Variants in EOMES observed in about 807,000 individuals in gnomAD.
The protein encoded by EOMES is eomesodermin, also known as eomesodermin homolog.
Under a neutral mutation model 61.0 loss-of-function variants are expected in EOMES, and 18 were observed. That is an observed-to-expected ratio of 0.30 (90% CI 0.20 to 0.44). The LOEUF is 0.44. Ranked by LOEUF, EOMES falls within the 20% of genes least tolerant of loss-of-function variation. The pLI is 1.00. For synonymous variants in EOMES, 430 were observed against 394.0 expected (o/e 1.09, Z -1.08); for missense variants, 885 against 939.2 (o/e 0.94, Z 0.75).
rs746126554 is a variant in EOMES, at chr3:27,722,214, G to C, written c.81C>G (p.Gly27=). ...AHFYPLESAR[G]GSGGSAGHLP... is the part of the protein sequence containing the mutation. ...GGTGGCCAGCGCTCCCGCCGCTGCC[G>C]CCTCGCGCACTCTCCAGCGGGTAGA... The change falls in exon 1 of 6, where the codon GGC becomes GGG. Residue 27 remains glycine, a synonymous_variant. Transcript: ENST00000449599. 7.0e-5 allele frequency: 112 copies of C among 1,604,364 alleles called. 1 individual carries two copies. In the South Asian group the frequency reaches 1.2e-3, roughly 17 times the overall value.
chr3:27,717,094 A>G lies in EOMES; in HGVS notation c.2094T>C (p.Tyr698=). 6.2e-7 allele frequency: 1 copy of G among 1,611,842 alleles called. No individual in the cohort carries two copies. Residue 698 remains tyrosine, a synonymous_variant, in exon 6 of 6, where the codon TAT becomes TAC. Coordinates refer to ENST00000449599, the MANE Select transcript of EOMES (RefSeq NM_001278182.2). The surrounding 1 kb of genome is among the most constrained non-coding windows in gnomAD (Gnocchi z 4.5). Reference sequence around the variant, plus strand: ...TTTAGGGAGTTGTGTAAAAAGCATAATACCCTCCCATGCCTTTTGAGGTGT... The same window carrying G: ...TTTAGGGAGTTGTGTAAAAAGCATAGTACCCTCCCATGCCTTTTGAGGTGT... ...SKDTSKGMGG[Y]YAFYTTP
chr3:27,717,548 G>T lies in EOMES; in HGVS notation c.1640C>A (p.Thr547Asn), dbSNP rs531465213. The change falls in exon 6 of 6, where the codon ACC becomes AAC. Residue 547 changes from threonine (T) to asparagine (N), a missense_variant. Coordinates refer to ENST00000449599, the MANE Select transcript of EOMES (RefSeq NM_001278182.2). The surrounding 1 kb of genome is among the most constrained non-coding windows in gnomAD (Gnocchi z 4.5). ...WLVTPVQQPG[T>N]NKLDISSYES... ...ATAGGAACTGATGTCTAGTTTGTTG[G>T]TCCCAGGTTGCTGGACAGGCGTGAC... 31 of 1,614,206 alleles carry T rather than the reference G, an allele frequency of 1.9e-5. No homozygotes were observed. In the South Asian group the frequency reaches 3.3e-4, roughly 17 times the overall value.
rs2060619057 is a variant in EOMES at position 27,721,954 on chromosome 3, A to C, written c.341T>G (p.Leu114Arg). The C allele has an allele frequency of 1.4e-6, 2 of 1,416,090 alleles. No homozygotes were observed. Among genetic ancestry groups the C allele is most frequent in the South Asian group, 1.6e-5 (1 of 60,976 alleles). 87.7% of individuals were successfully genotyped at this position (1,416,090 alleles called of 1,614,324 possible). A position where few individuals can be genotyped will look rare whatever the true frequency, so the allele number is the denominator to read the frequency against. ...RKGSPCGEEE[L>R]PSAAAAAAAA... ...GGCGGCGGCTGCAGCGGCGGAGGGCAGCTCCTCCTCCCCGCAGGGGGAGCC... is the reference window on the plus strand; with the variant it reads ...GGCGGCGGCTGCAGCGGCGGAGGGCCGCTCCTCCTCCCCGCAGGGGGAGCC... Residue 114 changes from leucine (L) to arginine (R), a missense_variant, in exon 1 of 6, where the codon CTG (leucine) becomes CGG (arginine). Coordinates refer to ENST00000449599, the MANE Select transcript of EOMES (RefSeq NM_001278182.2). The surrounding 1 kb of genome is among the most constrained non-coding windows in gnomAD (Gnocchi z 7.4).
At chr3:27,718,560 G>A (rs2060586527) in intron 5 of EOMES, 27 bp downstream of exon 5, 2 of 1,537,092 alleles carry the variant, frequency 1.3e-6, no homozygotes, top group Admixed American at 1.7e-5. Context: ...AGATGATCAG[G>A]CAAGTGTGGA....
rs569201214 is a variant in EOMES at position 27,722,048 on chromosome 3, T to G, written c.247A>C (p.Thr83Pro). 1 of 1,535,122 alleles carries G rather than the reference T, an allele frequency of 6.5e-7. No individual in the cohort carries two copies. Among genetic ancestry groups the G allele is most frequent in the Non-Finnish European group, 8.8e-7 (1 of 1,140,940 alleles). Residue 83 changes from threonine (T) to proline (P), a missense_variant, in exon 1 of 6, where the codon ACC becomes CCC. By Grantham distance (38) the Thr-to-Pro change is conservative. Coordinates refer to ENST00000449599, the MANE Select transcript of EOMES (RefSeq NM_001278182.2). ...CTGGCAAATGCGTCCCCGGCGTCGG[T>G]GTCACTAAGCATGGCCGCGGGGGCC... ...AGAPAAMLSD[T>P]DAGDAFASAA...
rs1307617252 is a variant in EOMES, at chr3:27,721,500, G to A, written c.795C>T (p.Phe265=). The A allele has an allele frequency of 1.9e-6, 3 of 1,613,318 alleles. No homozygotes were observed. Among genetic ancestry groups the A allele is most frequent in the East Asian group, 2.2e-5 (1 of 44,822 alleles). ...LGGLGVPGSG[F]RAHVYLCNRP... ...GGTTGCACAGGTAGACGTGGGCACG[G>A]AAGCCAGAACCTGGAACCCCCAGGC... Residue 265 remains phenylalanine (F), a synonymous_variant, in exon 1 of 6, where the codon TTC becomes TTT. Coordinates refer to ENST00000449599, the MANE Select transcript of EOMES (RefSeq NM_001278182.2). The surrounding 1 kb of genome is among the most constrained non-coding windows in gnomAD (Gnocchi z 7.4).
At position 27,718,831 on chromosome 3, in the gene EOMES, C is replaced by T. The variant is rs2060589091; in HGVS notation, c.1221G>A (p.Glu407=). The change falls in exon 4 of 6, where the codon GAG becomes GAA. Residue 407 remains glutamate, a synonymous_variant. Coordinates refer to ENST00000449599, the MANE Select transcript of EOMES (RefSeq NM_001278182.2). ...QPRLHIVEVT[E]DGVEDLNEPS... ...GCTCATTCAAGTCCTCCACGCCATCCTCTGTAACTTCAACAATATGCAGTC... is the reference window on the plus strand; with the variant it reads ...GCTCATTCAAGTCCTCCACGCCATCTTCTGTAACTTCAACAATATGCAGTC... 6.2e-7 allele frequency: 1 copy of T among 1,614,006 alleles called. No individual in the cohort carries two copies. The highest frequency in any genetic ancestry group is 8.5e-7 in the Non-Finnish European group (1 of 1,179,892).
At position 27,721,652 on chromosome 3, in the gene EOMES, C is replaced by T. The variant is rs1055221832; in HGVS notation, c.643G>A (p.Gly215Ser). 3.2e-6 allele frequency: 5 copies of T among 1,540,118 alleles called. No individual in the cohort carries two copies. The African/African-American group carries it at 5.5e-5, about 17-fold the overall frequency. ...RAQFGPGAGA[G>S]SGAGGSSGGG... is the part of the protein sequence containing the mutation. ...CCGCTGCTACCGCCCGCGCCACTGCCCGCACCGGCTCCTGGGCCGAACTGC... is the reference window on the plus strand; with the variant it reads ...CCGCTGCTACCGCCCGCGCCACTGCTCGCACCGGCTCCTGGGCCGAACTGC... Residue 215 changes from glycine to serine, a missense_variant, in exon 1 of 6, where the codon GGC becomes AGC. Gly to Ser is a moderately conservative substitution (Grantham distance 56). Coordinates refer to ENST00000449599, the MANE Select transcript of EOMES (RefSeq NM_001278182.2). The surrounding 1 kb of genome is among the most constrained non-coding windows in gnomAD (Gnocchi z 7.4).
chr3:27,718,298 T>G (rs1251609025), intron 5 of EOMES, among the ~76,000 whole-genome samples: 1 of 151,838 alleles, frequency 6.6e-6, no homozygotes. Flanking sequence ...ATGGATCAAA[T>G]GAAAAGAAAG....
chr3:27,720,022 G>T (rs1414886966), intron 2 of EOMES, 149 bp downstream of exon 2: 13 of 676,500 alleles, frequency 1.9e-5, no homozygotes. Context: ...CGTCAAACAA[G>T]CAACTCAAAG....
chr3:27,722,139 G>A lies in EOMES; in HGVS notation c.156C>T (p.Ser52=). ...AGGAGAGACTGCCGGAAAACTTCTT[G>A]GACGCTTTGTCTAAGTCCAACTTCT... ...SPQKLDLDKA[S]KKFSGSLSCE... is the part of the protein sequence containing the mutation. The change falls in exon 1 of 6, where the codon TCC becomes TCT. Residue 52 remains serine, a synonymous_variant. Coordinates refer to ENST00000449599, the MANE Select transcript of EOMES (RefSeq NM_001278182.2). 6.4e-7 allele frequency: 1 copy of A among 1,561,718 alleles called. No individual in the cohort carries two copies. The highest frequency in any genetic ancestry group is 1.2e-5 in the South Asian group (1 of 85,092).
In EOMES at chr3:27,717,293, T is replaced by C; in HGVS notation, c.1895A>G (p.Glu632Gly). 6.2e-7 allele frequency: 1 copy of C among 1,614,144 alleles called. No homozygotes were observed. The highest frequency in any genetic ancestry group is 8.5e-7 in the Non-Finnish European group (1 of 1,179,994). Reference protein sequence around the residue: ...DQLSKEKVKEEIGSSWIETPP... With the variant: ...DQLSKEKVKEGIGSSWIETPP... ...TGTCTCTATCCAAGAAGAGCCAATTTCCTCTTTCACTTTCTCCTTGGAGAG... is the reference window on the plus strand; with the variant it reads ...TGTCTCTATCCAAGAAGAGCCAATTCCCTCTTTCACTTTCTCCTTGGAGAG... Residue 632 changes from glutamate to glycine, a missense_variant, in exon 6 of 6, where the codon GAA (glutamate) becomes GGA (glycine). Glu to Gly is a moderately conservative substitution (Grantham distance 98). Around this residue, in one of 3 missense-constraint regions of EOMES, gnomAD observed 259 missense variants for 282.3 expected, o/e 0.92. Coordinates refer to ENST00000449599, the MANE Select transcript of EOMES (RefSeq NM_001278182.2). This position sits in a 1 kb window ranked among gnomAD's most constrained non-coding sequence, Gnocchi z 4.5.
rs966637432 is a variant in EOMES at position 27,721,602 on chromosome 3, A to G, written c.693T>C (p.Tyr231=). 1.3e-6 allele frequency: 2 copies of G among 1,554,816 alleles called. No individual in the cohort carries two copies. The highest frequency in any genetic ancestry group is 1.7e-6 in the Non-Finnish European group (2 of 1,152,716). The change falls in exon 1 of 6, where the codon TAT becomes TAC. Residue 231 remains tyrosine (Y), a synonymous_variant. Transcript: ENST00000449599. This position sits in a 1 kb window ranked among gnomAD's most constrained non-coding sequence, Gnocchi z 7.4. ...SSGGGGGPGT[Y]QYSQGAPLYG... ...AGAGCGGAGCCCCCTGGCTGTACTG[A>G]TAGGTGCCCGGGCCGCCGCCCCCGC...
Position 27,721,401 on chromosome 3 carries a change from A to T in EOMES, c.881+13T>A. On this transcript the variant is annotated intron_variant, in intron 1 of 5. Coordinates refer to ENST00000449599, the MANE Select transcript of EOMES (RefSeq NM_001278182.2). The surrounding 1 kb of genome is among the most constrained non-coding windows in gnomAD (Gnocchi z 7.4). ...TATCCCCGAACCCAGGGGCCCCTCC[A>T]CGCTGCGCTCACCTGCCCTGTTTCG... is the stretch of plus-strand genomic sequence containing the variant. The T allele has an allele frequency of 6.2e-7, 1 of 1,603,822 alleles. No homozygotes were observed.
At chr3:27,722,560 T>C, upstream of EOMES, 1 of 1,275,652 alleles carries the variant, frequency 7.8e-7, no homozygotes, top group Non-Finnish European at 9.9e-7. Flanking sequence ...TTTTCCTTCC[T>C]CGTACCTCTT....
At chr3:27,720,464 G>C (rs2060602825) in intron 1 of EOMES, 139 bp from the exon 2 acceptor site, 1 of 452,136 alleles carries the variant, frequency 2.2e-6, no homozygotes, top group Non-Finnish European at 4.1e-6. Flanking sequence ...AATGCTGGTA[G>C]ATCAAGTGGT....
At position 27,722,281 on chromosome 3, in the gene EOMES, T is replaced by C. The variant is rs1209108614; in HGVS notation, c.14A>G (p.Glu5Gly). 6.3e-7 allele frequency: 1 copy of C among 1,587,530 alleles called. No individual in the cohort carries two copies. Among genetic ancestry groups the C allele is most frequent in the Non-Finnish European group, 8.6e-7 (1 of 1,169,490 alleles). ...GTTCACTGAGCTCACCAAGAGCTGCTCCCCTAACTGCATGCTTTGCAAAGC... is the reference window on the plus strand; with the variant it reads ...GTTCACTGAGCTCACCAAGAGCTGCCCCCCTAACTGCATGCTTTGCAAAGC... MQLG[E>G]QLLVSSVNLP... Residue 5 changes from glutamate (E) to glycine (G), a missense_variant, in exon 1 of 6, where the codon GAG (glutamate) becomes GGG (glycine). Transcript: ENST00000449599.
In EOMES at chr3:27,721,919, CG is replaced by C; in HGVS notation, c.375del (p.Ala126ProfsTer14). Reference protein sequence around the residue: ...PSAAAAAAAAAAAAAATARYS... With the variant: ...PSAAAAAAAAXAAAAATARYS... ...TAGCGCGCAGTGGCCGCAGCCGCGG[CG>C]GCGGCGGCGGCGGCGGCTGCAGCGG... On this transcript the variant is annotated frameshift_variant, in exon 1 of 6. Transcript: ENST00000449599. LOFTEE classifies it high-confidence loss of function. The surrounding 1 kb of genome is among the most constrained non-coding windows in gnomAD (Gnocchi z 7.4). 7.4e-7 allele frequency: 1 copy of C among 1,351,740 alleles called. No individual in the cohort carries two copies. Among genetic ancestry groups the C allele is most frequent in the Non-Finnish European group, 9.4e-7 (1 of 1,065,602 alleles). 83.7% of individuals were successfully genotyped at this position (1,351,740 alleles called of 1,614,324 possible).
rs1379467268 is a variant in EOMES at position 27,715,981 on chromosome 3, A to G, written c.*1089T>C. ...CCTTACTGAACCACATTTATTAAAA[A>G]TGACTAAGACTGTACATAAAAATCC... On this transcript the variant is annotated 3_prime_UTR_variant, in exon 6 of 6. Coordinates refer to ENST00000449599, the MANE Select transcript of EOMES (RefSeq NM_001278182.2). 1.3e-5 allele frequency: 2 copies of G among 152,196 alleles called. No homozygotes were observed. The highest frequency in any genetic ancestry group is 2.9e-5 in the Non-Finnish European group (2 of 68,042). 9.4% of individuals were successfully genotyped at this position (152,196 alleles called of 1,614,324 possible).
Sources: gnomAD v4.1 joint callset for allele counts (sites outside exome capture counted in the v4.1 genomes callset) on GRCh38, gnomAD v4.1.1 for gene constraint, gnomAD v4.1.1 regional missense constraint, Gnocchi (gnomAD v3.1) non-coding constraint, MANE v1.5 for transcripts, NCBI Gene and HGNC (gene_info 2026-07-23, HGNC 2026-07-21) for gene names.